Variants in PATL2 observed in about 807,000 individuals in gnomAD.
PATL2 encodes protein PAT1 homolog 2.
Under a neutral mutation model 77.0 loss-of-function variants are expected in PATL2, and 73 were observed. The ratio of observed to expected loss-of-function variants is 0.95; its 90% CI spans 0.78 to 1.15. The LOEUF (loss-of-function observed/expected upper bound fraction) is 1.15, where lower values mean the gene tolerates loss of function less well. PATL2 is among the 50% of genes most tolerant of loss of function. The probability of loss-of-function intolerance (pLI) is 0.00; values close to 1 mark genes in which losing one functional copy is unlikely to be tolerated. For synonymous variants in PATL2, 265 were observed against 257.1 expected, an observed-to-expected ratio of 1.03 and a Z score of -0.29; for missense variants, 618 against 655.4, an observed-to-expected ratio of 0.94 and a Z score of 0.62.
chr15:44,690,502 C>CT lies in PATL2; in HGVS notation c.-75-13938dup, dbSNP rs60470113. 5.9e-3 allele frequency among the ~76,000 whole-genome samples: 778 copies of CT among 132,710 alleles called. 7 individuals carry two copies. Among genetic ancestry groups the CT allele is most frequent in the African/African-American group, 0.017 (630 of 36,220 alleles). The allele number at this position is 132,710 out of a possible 152,430, so 87.1% of individuals were successfully genotyped here. A position where few individuals can be genotyped will look rare whatever the true frequency, so the allele number is the denominator to read the frequency against. On this transcript the variant is annotated intron_variant, in intron 3 of 17. Coordinates refer to ENST00000682850, the MANE Select transcript of PATL2 (RefSeq NM_001387263.1). ...CACAGGCACACGCAACCATGCCTGG[C>CT]TTTTTTTTTTTTTTTGGTATAAACA...
chr15:44,676,079 C>T, intron 4 of PATL2: 1 of 322,358 alleles, frequency 3.1e-6, no homozygotes, highest in South Asian at 4.2e-5. Context: ...TTCACTTTCA[C>T]ATCCCCTCTT....
At position 44,669,569 on chromosome 15, in the gene PATL2, A is replaced by G; in HGVS notation, c.877-6T>C. On this transcript the variant is annotated splice_region_variant and splice_polypyrimidine_tract_variant and intron_variant, in intron 11 of 17. Transcript: ENST00000682850. ...CTGCTTGCAGCTTCTATATCCTAGGAGAAGGGAGTCACCAGCTATCAGCTA... is the reference window on the plus strand; with the variant it reads ...CTGCTTGCAGCTTCTATATCCTAGGGGAAGGGAGTCACCAGCTATCAGCTA... 6.4e-7 allele frequency: 1 copy of G among 1,550,832 alleles called. No homozygotes were observed. The highest frequency in any genetic ancestry group is 2.4e-5 in the East Asian group (1 of 40,914).
intron 3 of PATL2, among the ~76,000 whole-genome samples, chr15:44,702,017 G>A (rs1228987188): frequency 3.9e-5 from 6 of 152,060 alleles, no homozygotes; most frequent in African/African-American, 1.2e-4. Flanking sequence ...CCTATCACCA[G>A]GCCCCACCTC....
At chr15:44,707,134 A>G (rs1324471033) in intron 3 of PATL2, among the ~76,000 whole-genome samples, 4 of 151,752 alleles carry the variant, frequency 2.6e-5, no homozygotes, top group Non-Finnish European at 5.9e-5. Flanking sequence ...CCAGCCTGGG[A>G]CTCACCCTTC....
intron 3 of PATL2, among the ~76,000 whole-genome samples, chr15:44,701,279 T>C (rs1166482793): frequency 6.6e-6 from 1 of 151,786 alleles, no homozygotes; most frequent in Non-Finnish European, 1.5e-5. Flanking sequence ...TATGTGTCTG[T>C]CTAGTTTTGG....
At chr15:44,667,332 G>A (rs2085426884) in intron 15 of PATL2, 129 bp from the exon 16 acceptor site, 2 of 686,352 alleles carry the variant, frequency 2.9e-6, no homozygotes, top group African/African-American at 1.8e-5. Context: ...ATATCCACAA[G>A]TGCTGTCAGG....
In PATL2 at chr15:44,666,554, A is replaced by C. The variant is rs1305104412; in HGVS notation, c.1464-13T>G. 1.3e-6 allele frequency: 2 copies of C among 1,500,568 alleles called. No individual in the cohort carries two copies. Among genetic ancestry groups the C allele is most frequent in the South Asian group, 1.3e-5 (1 of 76,564 alleles). The allele number at this position is 1,500,568 out of a possible 1,614,324, so 93.0% of individuals were successfully genotyped here. The stretch of plus-strand genomic sequence containing the variant: ...CACCATGTCTGTCCTAGAGAGCATA[A>C]ATATAAATATAAGCAAATAGATTTG... On this transcript the variant is annotated splice_polypyrimidine_tract_variant and intron_variant, in intron 16 of 17. Transcript: ENST00000682850.
At chr15:44,710,720 C>A (rs2086840335) in intron 2 of PATL2, among the ~76,000 whole-genome samples, 151 bp downstream of exon 2, 2 of 152,154 alleles carry the variant, frequency 1.3e-5, no homozygotes. Flanking sequence ...CTACTATGTG[C>A]CAGCCCCTGT....
At chr15:44,678,715 G>A (rs557399801) in intron 3 of PATL2, among the ~76,000 whole-genome samples, 1 of 152,232 alleles carries the variant, frequency 6.6e-6, no homozygotes, top group East Asian at 1.9e-4. Context: ...GGAAGCTGAG[G>A]CAGGAGGATA....
At chr15:44,681,638 T>C (rs2086136184) in intron 3 of PATL2, among the ~76,000 whole-genome samples, 1 of 152,198 alleles carries the variant, frequency 6.6e-6, no homozygotes, top group African/African-American at 2.4e-5. Flanking sequence ...TGTTTGTTTT[T>C]CTGGAAAGAG....
chr15:44,675,413 G>A, intron 5 of PATL2, 73 bp downstream of exon 5: 1 of 1,440,424 alleles, frequency 6.9e-7, no homozygotes, highest in Non-Finnish European at 9.3e-7. Flanking sequence ...AAGAGAAGAG[G>A]AATGTTTAGT....
At chr15:44,671,904 C>G in intron 9 of PATL2, 111 bp downstream of exon 9, 1 of 1,338,234 alleles carries the variant, frequency 7.5e-7, no homozygotes, top group Admixed American at 2.5e-5. Flanking sequence ...TTCTCTCTCC[C>G]ACCTGAACAG....
intron 16 of PATL2, 133 bp downstream of exon 16, chr15:44,666,973 A>G: frequency 1.4e-6 from 1 of 720,670 alleles, no homozygotes; most frequent in Non-Finnish European, 2.3e-6. Flanking sequence ...CAGAACAGCT[A>G]CAACACTGCT....
At position 44,680,337 on chromosome 15, in the gene PATL2, T is replaced by C. The variant is rs1249963650; in HGVS notation, c.-75-3772A>G. 9.9e-5 allele frequency among the ~76,000 whole-genome samples: 15 copies of C among 152,192 alleles called. No individual in the cohort carries two copies. The East Asian group carries it at 2.9e-3, about 29-fold the overall frequency. ...ATCCCTCATCAGTGATTCTAAAAAA[T>C]AGGCATTGTCCTCCTCCAGTCTTCC... On this transcript the variant is annotated intron_variant, in intron 3 of 17. Transcript: ENST00000682850.
Position 44,669,266 on chromosome 15 carries a change from C to T in PATL2, c.1064+14G>A. On this transcript the variant is annotated intron_variant, in intron 13 of 17. Transcript: ENST00000682850. Reference sequence around the variant, plus strand: ...TTCCCTTCCTGGGCTGAGGTGGAACCCTCCCACACTCACTCCAGGTTGTTC... The same window carrying T: ...TTCCCTTCCTGGGCTGAGGTGGAACTCTCCCACACTCACTCCAGGTTGTTC... 6.5e-7 allele frequency: 1 copy of T among 1,540,912 alleles called. No homozygotes were observed. The highest frequency in any genetic ancestry group is 8.8e-7 in the Non-Finnish European group (1 of 1,138,424).
At chr15:44,670,617 A>C (rs2085626091) in intron 9 of PATL2, among the ~76,000 whole-genome samples, 1 of 152,216 alleles carries the variant, frequency 6.6e-6, no homozygotes, top group African/African-American at 2.4e-5. Flanking sequence ...CCCATCTTGG[A>C]ATTCACATAC....
chr15:44,694,111 C>T (rs1015350178), intron 3 of PATL2, among the ~76,000 whole-genome samples: 11 of 152,044 alleles, frequency 7.2e-5, no homozygotes, highest in Admixed American at 2.0e-4. Flanking sequence ...ATAAAATAAT[C>T]CCAATTTTGT....
chr15:44,708,334 C>T (rs772880306), intron 3 of PATL2, among the ~76,000 whole-genome samples: 1 of 152,122 alleles, frequency 6.6e-6, no homozygotes, highest in Non-Finnish European at 1.5e-5. Context: ...TAGCTATGTC[C>T]TTTTAAATAT....
chr15:44,671,908 T>C, intron 9 of PATL2, 107 bp downstream of exon 9: 2 of 1,369,898 alleles, frequency 1.5e-6, no homozygotes, highest in Non-Finnish European at 9.9e-7. Flanking sequence ...CTCTCCCACC[T>C]GAACAGACAT....
Sources: allele counts gnomAD v4.1 joint callset (sites outside exome capture counted in the v4.1 genomes callset), GRCh38; gene constraint gnomAD v4.1.1; transcripts MANE v1.5; gene names NCBI Gene and HGNC (gene_info 2026-07-23, HGNC 2026-07-21).